IQCM: variants seen among roughly 807,000 people sequenced by gnomAD.
IQCM encodes the protein IQ motif containing M, also known as IQ domain-containing protein M.
Under a neutral mutation model 57.6 loss-of-function variants are expected in IQCM, and 45 were observed. The ratio of observed to expected loss-of-function variants is 0.78; its 90% confidence interval spans 0.62 to 1.00. The LOEUF (loss-of-function observed/expected upper bound fraction) is 1.00, where lower values mean the gene tolerates loss of function less well. Ranked by LOEUF, IQCM falls within the 50% of genes least tolerant of loss-of-function variation. IQCM has a pLI of 0.00. For missense variants in IQCM, 468 were observed against 511.6 expected, an observed-to-expected ratio of 0.91 and a Z score of 0.82; for synonymous variants, 148 against 158.9, an observed-to-expected ratio of 0.93 and a Z score of 0.51.
intron 12 of IQCM, among the ~76,000 whole-genome samples, chr4:149,521,832 T>A (rs775563723): frequency 2.0e-4 from 31 of 152,158 alleles, no homozygotes; most frequent in Admixed American, 1.3e-3. Context: ...GAATGCTTGC[T>A]TTGTCTCCAG....
At chr4:149,692,426 A>G (rs1263783131) in intron 5 of IQCM, among the ~76,000 whole-genome samples, 1 of 152,142 alleles carries the variant, frequency 6.6e-6, no homozygotes, top group Non-Finnish European at 1.5e-5. Flanking sequence ...CTATATATGT[A>G]TGTATTTTTT....
At chr4:149,666,897 G>A (rs188323364) in intron 7 of IQCM, among the ~76,000 whole-genome samples, 1 of 152,134 alleles carries the variant, frequency 6.6e-6, no homozygotes, top group Non-Finnish European at 1.5e-5. Context: ...CCTGGGCAGG[G>A]CATCTCTGAA....
chr4:149,571,801 C>T (rs1057262377), intron 9 of IQCM, among the ~76,000 whole-genome samples: 3 of 152,000 alleles, frequency 2.0e-5, no homozygotes, highest in African/African-American at 4.8e-5. Context: ...ACCAAATAAA[C>T]AGTTGCTGAA....
chr4:149,374,930 A>G (rs1339730959), intron 13 of IQCM, among the ~76,000 whole-genome samples: 2 of 151,790 alleles, frequency 1.3e-5, no homozygotes, highest in African/African-American at 2.4e-5. Flanking sequence ...CTAGAGGACA[A>G]GATTATGCCA....
At chr4:149,653,276 G>T (rs946943225) in intron 7 of IQCM, among the ~76,000 whole-genome samples, 2 of 152,090 alleles carry the variant, frequency 1.3e-5, no homozygotes, top group Non-Finnish European at 2.9e-5. Context: ...AACCTCCATT[G>T]CACGTTTCCT....
chr4:149,572,790 T>C (rs1341048312), intron 9 of IQCM, among the ~76,000 whole-genome samples: 1 of 151,970 alleles, frequency 6.6e-6, no homozygotes, highest in Non-Finnish European at 1.5e-5. Context: ...TAAGTTAAAA[T>C]AGAAATAAGG....
chr4:149,686,306 C>T (rs554477826), intron 6 of IQCM, 72 bp downstream of exon 6: 5 of 651,462 alleles, frequency 7.7e-6, no homozygotes, highest in African/African-American at 1.9e-5. Context: ...GAGACCATGA[C>T]AATTGGTCAG....
intron 10 of IQCM, among the ~76,000 whole-genome samples, chr4:149,562,376 T>C (rs1235168570): frequency 6.6e-5 from 10 of 152,178 alleles, no homozygotes; most frequent in African/African-American, 2.4e-4. Context: ...CAGTTGAATA[T>C]GGGAGTGAAA....
intron 13 of IQCM, among the ~76,000 whole-genome samples, chr4:149,364,771 A>G (rs1729722078): frequency 1.3e-5 from 2 of 152,214 alleles, no homozygotes; most frequent in South Asian, 4.1e-4. Flanking sequence ...GATTACCTAC[A>G]GAAAAATATT....
At chr4:149,813,025 T>A (rs1774730502) in intron 2 of IQCM, among the ~76,000 whole-genome samples, 1 of 152,172 alleles carries the variant, frequency 6.6e-6, no homozygotes, top group Non-Finnish European at 1.5e-5. Flanking sequence ...TCGGTGAACT[T>A]TTTCATTGCA....
At chr4:149,487,045 C>A (rs1741597411) in intron 12 of IQCM, among the ~76,000 whole-genome samples, 1 of 152,136 alleles carries the variant, frequency 6.6e-6, no homozygotes, top group South Asian at 2.1e-4. Context: ...TGTTCTGGGT[C>A]ACTCCTGAAG....
At chr4:149,612,710 A>ATG (rs1343378015) in intron 8 of IQCM, among the ~76,000 whole-genome samples, 1 of 142,596 alleles carries the variant, frequency 7.0e-6, no homozygotes, top group East Asian at 2.0e-4. Context: ...ACATAAATTA[A>ATG]TATAGTTTTT....
At chr4:149,453,940 C>G (rs962438585) in intron 12 of IQCM, among the ~76,000 whole-genome samples, 1 of 151,636 alleles carries the variant, frequency 6.6e-6, no homozygotes. Flanking sequence ...TTGTCAAAAA[C>G]AGCTAAAAAC....
At chr4:149,654,729 G>A (rs980245797) in intron 7 of IQCM, among the ~76,000 whole-genome samples, 1 of 152,080 alleles carries the variant, frequency 6.6e-6, no homozygotes, top group Non-Finnish European at 1.5e-5. Context: ...AAGTCCTTTG[G>A]AGCACAACAT....
chr4:149,651,843 A>C (rs890319010), intron 7 of IQCM, among the ~76,000 whole-genome samples: 13 of 152,126 alleles, frequency 8.5e-5, no homozygotes, highest in Admixed American at 8.5e-4. Flanking sequence ...ATGCTTTTAC[A>C]CTGTTGGTGG....
At chr4:149,668,335 T>C (rs1760923458) in intron 7 of IQCM, among the ~76,000 whole-genome samples, 1 of 152,166 alleles carries the variant, frequency 6.6e-6, no homozygotes, top group African/African-American at 2.4e-5. Flanking sequence ...CCGTGCTTCA[T>C]AAGTGAAGGA....
chr4:149,644,199 A>G (rs940380158), intron 7 of IQCM, among the ~76,000 whole-genome samples: 6 of 152,190 alleles, frequency 3.9e-5, no homozygotes, highest in Non-Finnish European at 7.3e-5. Flanking sequence ...AAAATATAAC[A>G]CAGAGAAAAG....
chr4:149,598,582 A>G (rs1753988425), intron 8 of IQCM, among the ~76,000 whole-genome samples: 1 of 152,224 alleles, frequency 6.6e-6, no homozygotes, highest in Non-Finnish European at 1.5e-5. Context: ...CATTTTTTAA[A>G]ATACAACCAT....
intron 9 of IQCM, among the ~76,000 whole-genome samples, chr4:149,572,594 T>C (rs1209064602): frequency 6.6e-6 from 1 of 152,068 alleles, no homozygotes; most frequent in Non-Finnish European, 1.5e-5. Flanking sequence ...ATATTTCATC[T>C]GCATTATATT....
Sources: gnomAD v4.1 joint callset for allele counts (sites outside exome capture counted in the v4.1 genomes callset) on GRCh38, gnomAD v4.1.1 for gene constraint, MANE v1.5 for transcripts, NCBI Gene and HGNC (gene_info 2026-07-23, HGNC 2026-07-21) for gene names.